Variants in CALCR observed in about 807,000 individuals in gnomAD.
The protein encoded by CALCR is calcitonin receptor.
A neutral mutation model predicts 59.5 loss-of-function variants in CALCR; 47 were observed. That is an observed-to-expected ratio of 0.79 (90% CI 0.63 to 1.01). CALCR has a LOEUF of 1.01. CALCR is among the 50% of genes least tolerant of loss of function. The pLI, the probability that CALCR is intolerant of heterozygous loss-of-function variation, is 0.00. For missense variants in CALCR, 566 were observed against 597.1 expected (o/e 0.95, Z 0.54); for synonymous variants, 213 against 211.3 (o/e 1.01, Z -0.07).
chr7:93,485,243 T>C (rs925546259), intron 3 of CALCR, among the ~76,000 whole-genome samples: 1 of 151,626 alleles, frequency 6.6e-6, no homozygotes, highest in Non-Finnish European at 1.5e-5. Flanking sequence ...CCCATTTAAG[T>C]GCCCTGTTCA....
chr7:93,509,221 C>T (rs1231103109), intron 2 of CALCR, among the ~76,000 whole-genome samples: 1 of 152,010 alleles, frequency 6.6e-6, no homozygotes, highest in Non-Finnish European at 1.5e-5. Context: ...CTTTAAATTG[C>T]CCCCAACAAT....
At chr7:93,457,296 G>A (rs898436388) in intron 8 of CALCR, among the ~76,000 whole-genome samples, 1 of 152,108 alleles carries the variant, frequency 6.6e-6, no homozygotes, top group African/African-American at 2.4e-5. Context: ...TTGGGCTCCA[G>A]GACAACCGCT....
chr7:93,571,622 G>A (rs994492830), intron 2 of CALCR, among the ~76,000 whole-genome samples: 5 of 151,886 alleles, frequency 3.3e-5, no homozygotes, highest in African/African-American at 9.7e-5. Context: ...CTAAATAAAT[G>A]CTGCTGTTAA....
intron 2 of CALCR, among the ~76,000 whole-genome samples, chr7:93,490,091 A>T (rs1249217421): frequency 6.6e-6 from 1 of 151,976 alleles, no homozygotes; most frequent in African/African-American, 2.4e-5. Flanking sequence ...CTGAGATGCA[A>T]GTCTGGTTCA....
At chr7:93,443,159 A>T (rs1383677501) in intron 9 of CALCR, among the ~76,000 whole-genome samples, 1 of 152,156 alleles carries the variant, frequency 6.6e-6, no homozygotes, top group Admixed American at 6.6e-5. Context: ...CACTGGAGGA[A>T]TCCTGATGAT....
intron 9 of CALCR, among the ~76,000 whole-genome samples, chr7:93,438,736 G>T (rs183684516): frequency 4.0e-4 from 61 of 152,138 alleles, no homozygotes; most frequent in African/African-American, 1.3e-3. Flanking sequence ...CTTTCTTCTA[G>T]GCTCTTTTGT....
At chr7:93,467,675 T>C (rs1800468778) in intron 7 of CALCR, among the ~76,000 whole-genome samples, 1 of 151,672 alleles carries the variant, frequency 6.6e-6, no homozygotes, top group African/African-American at 2.4e-5. Context: ...CCTCATTCTA[T>C]ATGTGAATCA....
chr7:93,437,071 C>T (rs543976877), intron 11 of CALCR, among the ~76,000 whole-genome samples: 1 of 151,614 alleles, frequency 6.6e-6, no homozygotes, highest in African/African-American at 2.4e-5. Flanking sequence ...TTCCTTTAGT[C>T]ATGAAATTAA....
chr7:93,487,860 C>T (rs1234112197), intron 2 of CALCR, among the ~76,000 whole-genome samples: 4 of 151,420 alleles, frequency 2.6e-5, no homozygotes, highest in Non-Finnish European at 1.5e-5. Context: ...GAGAACTTCC[C>T]CAACATAGCA....
intron 7 of CALCR, among the ~76,000 whole-genome samples, chr7:93,465,237 T>C (rs10243760): frequency 0.062 from 9,411 of 152,016 alleles, 932 homozygotes; most frequent in African/African-American, 0.21. Context: ...AAATTGTAAT[T>C]GAAATTTATG....
rs773829507 is a variant in CALCR, at chr7:93,438,098, G to A, written c.892C>T (p.Leu298Phe). The A allele has an allele frequency of 6.2e-7, 1 of 1,613,892 alleles. No homozygotes were observed. The highest frequency in any genetic ancestry group is 2.2e-5 in the East Asian group (1 of 44,872). ...NCWLSVETHL[L>F]YIIHGPVMAA... ...ATGACAGGTCCATGGATTATGTAAA[G>A]CAAATGGGTTTCCACACTCAGCCAG... Residue 298 changes from leucine to phenylalanine, a missense_variant, in exon 11 of 14, where the codon CTT becomes TTT. Leu to Phe is a conservative substitution (Grantham distance 22). Coordinates refer to ENST00000426151, the MANE Select transcript of CALCR (RefSeq NM_001742.4).
rs1409397896 is a variant in CALCR, at chr7:93,425,174, G to A, written c.*1182C>T. On this transcript the variant is annotated 3_prime_UTR_variant, in exon 14 of 14. Coordinates refer to ENST00000426151, the MANE Select transcript of CALCR (RefSeq NM_001742.4). ...AAGAGAGATATGATAATATAATACT[G>A]GATTTTAATGAGAAACGTTAAACAT... is the stretch of plus-strand genomic sequence containing the variant. 6.6e-6 allele frequency: 1 copy of A among 152,536 alleles called. No individual in the cohort carries two copies. Among genetic ancestry groups the A allele is most frequent in the Non-Finnish European group, 1.5e-5 (1 of 67,996 alleles). 9.4% of individuals were successfully genotyped at this position (152,536 alleles called of 1,614,324 possible).
chr7:93,515,406 T>A (rs534569204), intron 2 of CALCR, among the ~76,000 whole-genome samples: 18 of 152,108 alleles, frequency 1.2e-4, no homozygotes, highest in Admixed American at 1.1e-3. Flanking sequence ...ACCTTTCGTT[T>A]TGACCAAAAA....
intron 9 of CALCR, among the ~76,000 whole-genome samples, chr7:93,442,426 G>A (rs1378890161): frequency 6.6e-6 from 1 of 152,016 alleles, no homozygotes; most frequent in Non-Finnish European, 1.5e-5. Flanking sequence ...GTTATGTAAG[G>A]GTGTTATGGA....
At chr7:93,479,578 A>G in intron 3 of CALCR, 71 bp from the exon 4 acceptor site, 5 of 1,377,494 alleles carry the variant, frequency 3.6e-6, no homozygotes, top group Non-Finnish European at 5.0e-6. Context: ...TGAGACAATG[A>G]AAAAGTTTGA....
At chr7:93,452,499 C>G (rs970020035) in intron 8 of CALCR, among the ~76,000 whole-genome samples, 6 of 151,954 alleles carry the variant, frequency 3.9e-5, no homozygotes, top group African/African-American at 1.2e-4. Context: ...GAAAGTCTAG[C>G]AGTAAGCAGC....
At chr7:93,488,452 A>C (rs575306339) in intron 2 of CALCR, among the ~76,000 whole-genome samples, 1 of 151,798 alleles carries the variant, frequency 6.6e-6, no homozygotes, top group Admixed American at 6.6e-5. Context: ...ATTAAAAGAC[A>C]CAGACTGGCA....
At chr7:93,501,571 C>T (rs1396716921) in intron 2 of CALCR, among the ~76,000 whole-genome samples, 2 of 151,960 alleles carry the variant, frequency 1.3e-5, no homozygotes, top group Non-Finnish European at 1.5e-5. Context: ...TATTTCAGAA[C>T]GTGTCTAGAG....
At chr7:93,543,394 C>T (rs1409720083) in intron 2 of CALCR, among the ~76,000 whole-genome samples, 1 of 152,104 alleles carries the variant, frequency 6.6e-6, no homozygotes, top group Admixed American at 6.6e-5. Context: ...ATCTGCCCAC[C>T]TCAGCCTCCC....
Sources: gnomAD v4.1 joint callset for allele counts (sites outside exome capture counted in the v4.1 genomes callset) on GRCh38, gnomAD v4.1.1 for gene constraint, MANE v1.5 for transcripts, NCBI Gene and HGNC (gene_info 2026-07-23, HGNC 2026-07-21) for gene names.